NACC1: variants seen among roughly 807,000 people sequenced by gnomAD.
The protein encoded by NACC1 is nucleus accumbens-associated protein 1.
NACC1 carries 6 observed loss-of-function variants against 41.7 expected under a neutral mutation model. That is an observed-to-expected ratio of 0.14 (90% CI 0.08 to 0.28). The LOEUF (loss-of-function observed/expected upper bound fraction) is 0.28. Ranked by LOEUF, NACC1 falls within the 10% of genes least tolerant of loss-of-function variation. The probability of loss-of-function intolerance (pLI) is 1.00; values close to 1 mark genes in which losing one functional copy is unlikely to be tolerated. For synonymous variants in NACC1, 338 were observed against 330.6 expected, an observed-to-expected ratio of 1.02 and a Z score of -0.24; for missense variants, 434 against 763.7, an observed-to-expected ratio of 0.57 and a Z score of 5.09.
chr19:13,123,364 G>C (rs562155113), intron 1 of NACC1, among the ~76,000 whole-genome samples: 11 of 152,334 alleles, frequency 7.2e-5, no homozygotes. Flanking sequence ...GACGGAGGCA[G>C]AGCTTCTGCC....
intron 1 of NACC1, among the ~76,000 whole-genome samples, chr19:13,123,425 C>G (rs187041175): frequency 6.6e-6 from 1 of 152,128 alleles, no homozygotes; most frequent in Non-Finnish European, 1.5e-5. Context: ...GCCAGATTGC[C>G]GAGGGCTGCG....
chr19:13,128,303 A>G (rs2019590443), intron 1 of NACC1, among the ~76,000 whole-genome samples: 1 of 152,168 alleles, frequency 6.6e-6, no homozygotes, highest in Non-Finnish European at 1.5e-5. Context: ...TAAACAACAG[A>G]CATTTATATT....
In NACC1 at chr19:13,120,370, C is replaced by CTAAT. The variant is rs534253203; in HGVS notation, c.-9+1918_-9+1921dup. On this transcript the variant is annotated intron_variant, in intron 1 of 5. Transcript: ENST00000292431. ...GCAGCAGCTTTTGTTCCTTTCTGGG[C>CTAAT]TAATTGCAAGGCTGTTACCAGGGTG... Among the ~76,000 whole-genome samples the CTAAT allele has an allele frequency of 4.1e-3, 632 of 152,328 alleles. 2 individuals carry two copies. The highest frequency in any genetic ancestry group is 7.5e-3 in the Non-Finnish European group (510 of 68,018).
chr19:13,137,968 C>T lies in NACC1; in HGVS notation c.1325-179C>T, dbSNP rs940643507. Among the ~76,000 whole-genome samples the T allele has an allele frequency of 4.6e-5, 7 of 152,264 alleles. No individual in the cohort carries two copies. Among genetic ancestry groups the T allele is most frequent in the African/African-American group, 1.7e-4 (7 of 41,466 alleles). ...TCCCATCAAAACCAACACATCCCCA[C>T]ACATGGCTGAACTCAGTCCGGTGTA... On this transcript the variant is annotated intron_variant, in intron 5 of 5. Coordinates refer to ENST00000292431, the MANE Select transcript of NACC1 (RefSeq NM_052876.4). This position sits in a 1 kb window ranked among gnomAD's most constrained non-coding sequence, Gnocchi z 6.1.
At chr19:13,124,550 G>T (rs973451090) in intron 1 of NACC1, among the ~76,000 whole-genome samples, 2 of 152,128 alleles carry the variant, frequency 1.3e-5, no homozygotes, top group Non-Finnish European at 2.9e-5. Flanking sequence ...TGAACAGTTT[G>T]TTCTTCACTA....
intron 1 of NACC1, among the ~76,000 whole-genome samples, chr19:13,124,919 A>G (rs185744260): frequency 2.6e-5 from 4 of 152,150 alleles, no homozygotes; most frequent in Non-Finnish European, 4.4e-5. Flanking sequence ...TCTTTACAAA[A>G]AAATTTAATT....
rs2019785449 is a variant in NACC1, at chr19:13,141,093, AC to A, written c.*2689del. On this transcript the variant is annotated 3_prime_UTR_variant, in exon 6 of 6. Transcript: ENST00000292431. Reference sequence around the variant, plus strand: ...AGAGGAGCGGCGTTGGCAAATGTGAACCATGAGAATATCAGTGATACTGATG... The same window carrying A: ...AGAGGAGCGGCGTTGGCAAATGTGAACATGAGAATATCAGTGATACTGATG... 2 of 152,580 alleles carry A rather than the reference AC, an allele frequency of 1.3e-5. No homozygotes were observed. Among genetic ancestry groups the A allele is most frequent in the African/African-American group, 2.4e-5 (1 of 41,430 alleles). The allele number at this position is 152,580 out of a possible 1,614,324, so 9.5% of individuals were successfully genotyped here. A position where few individuals can be genotyped will look rare whatever the true frequency, so the allele number is the denominator to read the frequency against.
Position 13,135,912 on chromosome 19 carries a change from G to A in NACC1, c.705G>A (p.Val235=), listed in dbSNP as rs1218501815. Residue 235 remains valine, a synonymous_variant, in exon 2 of 6, where the codon GTG becomes GTA. Transcript: ENST00000292431. ...TGGTGGCAGCAGCCCAGCCCGCCGT[G>A]GCTGCGGGAGCAGGGCAGCCAGCCG... ...APVVAAAQPA[V]AAGAGQPAGG... 5 of 1,570,824 alleles carry A rather than the reference G, an allele frequency of 3.2e-6. No homozygotes were observed. Among genetic ancestry groups the A allele is most frequent in the Admixed American group, 1.9e-5 (1 of 52,850 alleles).
chr19:13,135,467 C>T lies in NACC1; in HGVS notation c.260C>T (p.Thr87Met), dbSNP rs2145623228. 1 of 1,613,388 alleles carries T rather than the reference C, an allele frequency of 6.2e-7. No homozygotes were observed. Residue 87 changes from threonine (T) to methionine (M), a missense_variant, in exon 2 of 6, where the codon ACG becomes ATG. By Grantham distance (81) the Thr-to-Met change is moderately conservative (BLOSUM62 -1). Coordinates refer to ENST00000292431, the MANE Select transcript of NACC1 (RefSeq NM_052876.4). ...SFQQILSFCY[T>M]GRLSMNVGDQ... ...CAGCAGATCCTCAGCTTCTGCTACA[C>T]GGGCCGGCTGAGCATGAACGTGGGC...
Position 13,138,628 on chromosome 19 carries a change from C to T in NACC1, c.*222C>T, listed in dbSNP as rs1355050331. The stretch of plus-strand genomic sequence containing the variant: ...GTGAGGTCCGTGTTGCCTTCTTTAA[C>T]ACACACTCGTGCAGTGGGGGAGTTC... On this transcript the variant is annotated 3_prime_UTR_variant, in exon 6 of 6. Coordinates refer to ENST00000292431, the MANE Select transcript of NACC1 (RefSeq NM_052876.4). The surrounding 1 kb of genome is among the most constrained non-coding windows in gnomAD (Gnocchi z 5.7). 3.2e-6 allele frequency: 2 copies of T among 629,416 alleles called. No homozygotes were observed. The highest frequency in any genetic ancestry group is 3.0e-5 in the Admixed American group (1 of 33,576). The allele number at this position is 629,416 out of a possible 1,614,324, so 39.0% of individuals were successfully genotyped here. A position where few individuals can be genotyped will look rare whatever the true frequency, so the allele number is the denominator to read the frequency against.
At chr19:13,123,750 A>G (rs1390511205) in intron 1 of NACC1, among the ~76,000 whole-genome samples, 2 of 152,154 alleles carry the variant, frequency 1.3e-5, no homozygotes, top group Non-Finnish European at 2.9e-5. Flanking sequence ...TCTGAACACC[A>G]GTTTTCCCAC....
At position 13,136,272 on chromosome 19, in the gene NACC1, G is replaced by A; in HGVS notation, c.987G>A (p.Glu329=). 6.2e-7 allele frequency: 1 copy of A among 1,614,036 alleles called. No homozygotes were observed. The highest frequency in any genetic ancestry group is 8.5e-7 in the Non-Finnish European group (1 of 1,179,956). The part of the protein sequence containing the change: ...VEALPEQVAP[E]SRNRIRVRQD... Reference sequence around the variant, plus strand: ...CCCTCCCGGAGCAGGTAGCCCCCGAGTCCCGAAATCGCATCCGGGTTCGGC... The same window carrying A: ...CCCTCCCGGAGCAGGTAGCCCCCGAATCCCGAAATCGCATCCGGGTTCGGC... The change falls in exon 3 of 6, where the codon GAG becomes GAA. Residue 329 remains glutamate, a synonymous_variant. Coordinates refer to ENST00000292431, the MANE Select transcript of NACC1 (RefSeq NM_052876.4). This position sits in a 1 kb window ranked among gnomAD's most constrained non-coding sequence, Gnocchi z 5.5.
At position 13,137,450 on chromosome 19, in the gene NACC1, T is replaced by C. The variant is rs900414550; in HGVS notation, c.1227-28T>C. 1.9e-6 allele frequency: 3 copies of C among 1,610,114 alleles called. No homozygotes were observed. In the South Asian group the frequency reaches 3.3e-5, roughly 18 times the overall value. On this transcript the variant is annotated intron_variant, in intron 4 of 5. Coordinates refer to ENST00000292431, the MANE Select transcript of NACC1 (RefSeq NM_052876.4). This position sits in a 1 kb window ranked among gnomAD's most constrained non-coding sequence, Gnocchi z 6.1. ...TCCCCCCCACCACCAACTTGAGCGC[T>C]GACTCCCTCCATGTCCCCTGCCCCC...
rs1007035536 is a variant in NACC1, at chr19:13,137,787, C to T, written c.1324+212C>T. Among the ~76,000 whole-genome samples the T allele has an allele frequency of 2.6e-5, 4 of 152,162 alleles. No individual in the cohort carries two copies. Among genetic ancestry groups the T allele is most frequent in the Admixed American group, 2.6e-4 (4 of 15,280 alleles). ...CGAAGGGAAGCCAGGGAGCCTGTGTCAGGCAGGAGGGTCTCGAACTCAGGG... is the reference window on the plus strand; with the variant it reads ...CGAAGGGAAGCCAGGGAGCCTGTGTTAGGCAGGAGGGTCTCGAACTCAGGG... On this transcript the variant is annotated intron_variant, in intron 5 of 5. Transcript: ENST00000292431. This position sits in a 1 kb window ranked among gnomAD's most constrained non-coding sequence, Gnocchi z 6.1.
chr19:13,122,205 T>A (rs2019504050), intron 1 of NACC1, among the ~76,000 whole-genome samples: 1 of 152,182 alleles, frequency 6.6e-6, no homozygotes, highest in African/African-American at 2.4e-5. Context: ...TTGGCGAAGG[T>A]CTCAGTTCTT....
chr19:13,119,073 G>A (rs1203074072), intron 1 of NACC1, among the ~76,000 whole-genome samples: 1 of 151,640 alleles, frequency 6.6e-6, no homozygotes, highest in Non-Finnish European at 1.5e-5. Flanking sequence ...ACTCAGATGT[G>A]GGGAGGGGGA....
intron 1 of NACC1, among the ~76,000 whole-genome samples, chr19:13,120,339 C>G (rs1227226262): frequency 6.6e-6 from 1 of 152,186 alleles, no homozygotes; most frequent in Non-Finnish European, 1.5e-5. Context: ...GGCCCCCAGT[C>G]GGATGGCAGC....
chr19:13,138,537 C>T lies in NACC1; in HGVS notation c.*131C>T. On this transcript the variant is annotated 3_prime_UTR_variant, in exon 6 of 6. Coordinates refer to ENST00000292431, the MANE Select transcript of NACC1 (RefSeq NM_052876.4). The surrounding 1 kb of genome is among the most constrained non-coding windows in gnomAD (Gnocchi z 5.7). ...GGTGCTGCATGTTCCCGGCCCTCTG[C>T]CCCTCCTGTCCTACCCCCTTTCCCC... The T allele has an allele frequency of 7.5e-7, 1 of 1,331,250 alleles. No individual in the cohort carries two copies. Among genetic ancestry groups the T allele is most frequent in the Non-Finnish European group, 1.0e-6 (1 of 982,734 alleles). 82.5% of individuals were successfully genotyped at this position (1,331,250 alleles called of 1,614,324 possible).
chr19:13,118,944 C>T (rs781477406), intron 1 of NACC1, among the ~76,000 whole-genome samples: 1 of 149,122 alleles, frequency 6.7e-6, no homozygotes, highest in African/African-American at 2.5e-5. Context: ...AGTTACAGGC[C>T]TGGGGGCGGC....
Sources: allele counts gnomAD v4.1 joint callset (sites outside exome capture counted in the v4.1 genomes callset), GRCh38; gene constraint gnomAD v4.1.1; non-coding constraint Gnocchi (gnomAD v3.1); transcripts MANE v1.5; gene names NCBI Gene and HGNC (gene_info 2026-07-23, HGNC 2026-07-21).